CNTNAP2: variants seen among roughly 807,000 people sequenced by gnomAD.
The protein encoded by CNTNAP2 is contactin associated protein 2.
Under a neutral mutation model 155.2 loss-of-function variants are expected in CNTNAP2, and 98 were observed. That is an observed-to-expected ratio of 0.63 (90% CI 0.54 to 0.75). The LOEUF (loss-of-function observed/expected upper bound fraction) is 0.75, where lower values mean the gene tolerates loss of function less well. Among genes scored for constraint, CNTNAP2 ranks in the 30% least tolerant of loss-of-function variants. The pLI is 0.00. For synonymous variants in CNTNAP2, 651 were observed against 631.2 expected (o/e 1.03, Z -0.47); for missense variants, 1,727 against 1,688.1 (o/e 1.02, Z -0.40).
At chr7:146,531,319 G>A (rs187897566) in intron 1 of CNTNAP2, among the ~76,000 whole-genome samples, 93 of 151,940 alleles carry the variant, frequency 6.1e-4, no homozygotes, top group African/African-American at 2.0e-3. Context: ...AAACCCCTGC[G>A]AACAAACAAT....
rs377220434 is a variant in CNTNAP2 at position 148,277,737 on chromosome 7, C to G, written c.3475+10611C>G. Reference sequence around the variant, plus strand: ...CTGGGCCAAAGCTTAGCTCTCGTCTCTCCTGCTGTATCTCCTCCTTTTCTC... The same window carrying G: ...CTGGGCCAAAGCTTAGCTCTCGTCTGTCCTGCTGTATCTCCTCCTTTTCTC... On this transcript the variant is annotated intron_variant, in intron 21 of 23. Coordinates refer to ENST00000361727, the MANE Select transcript of CNTNAP2 (RefSeq NM_014141.6). Among the ~76,000 whole-genome samples, 315 of 151,968 alleles carry G rather than the reference C, an allele frequency of 2.1e-3. 2 individuals are homozygous for G. Among genetic ancestry groups the G allele is most frequent in the African/African-American group, 7.3e-3 (302 of 41,352 alleles).
At chr7:147,904,970 G>T (rs1799934832) in intron 14 of CNTNAP2, among the ~76,000 whole-genome samples, 1 of 151,846 alleles carries the variant, frequency 6.6e-6, no homozygotes, top group African/African-American at 2.4e-5. Context: ...AGTTAAAAGG[G>T]CATGGTCTTT....
intron 3 of CNTNAP2, among the ~76,000 whole-genome samples, chr7:147,011,120 T>C (rs891768678): frequency 2.6e-5 from 4 of 151,650 alleles, no homozygotes; most frequent in African/African-American, 9.7e-5. Context: ...GCCTGTGATA[T>C]AGAACTATCA....
At chr7:148,152,836 CG>C (rs1805323563) in intron 17 of CNTNAP2, among the ~76,000 whole-genome samples, 1 of 151,770 alleles carries the variant, frequency 6.6e-6, no homozygotes, top group Non-Finnish European at 1.5e-5. Context: ...CTGGCTAGCA[CG>C]GTGAAACCCC....
chr7:148,029,377 A>C (rs17170801), intron 15 of CNTNAP2, among the ~76,000 whole-genome samples: 2,526 of 152,280 alleles, frequency 0.017, 24 homozygotes, highest in Non-Finnish European at 0.021. Context: ...CGAGTTTGCT[A>C]ATTGCCCCCA....
At chr7:148,313,448 T>C (rs1252813941) in intron 21 of CNTNAP2, among the ~76,000 whole-genome samples, 1 of 150,048 alleles carries the variant, frequency 6.7e-6, no homozygotes, top group African/African-American at 2.4e-5. Flanking sequence ...AGATGGGACA[T>C]GGCTTAGGAG....
chr7:146,624,281 T>A (rs1219447438), intron 1 of CNTNAP2, among the ~76,000 whole-genome samples: 2 of 152,056 alleles, frequency 1.3e-5, no homozygotes, highest in Admixed American at 6.5e-5. Context: ...CAAGATCAAT[T>A]TTTTATGGAT....
At chr7:147,683,976 C>G (rs1795985275) in intron 13 of CNTNAP2, among the ~76,000 whole-genome samples, 1 of 151,538 alleles carries the variant, frequency 6.6e-6, no homozygotes. Context: ...AATTTCTCTA[C>G]CAATGGAGGA....
chr7:147,225,742 AGAAGGAAGGAAG>A (rs56768185), intron 8 of CNTNAP2, among the ~76,000 whole-genome samples: 20,668 of 103,840 alleles, frequency 0.2, 2,400 homozygotes, highest in African/African-American at 0.24. Flanking sequence ...TAGGAAGGAA[AGAAGGAAGGAAG>A]GAAGGAAGGA....
intron 3 of CNTNAP2, among the ~76,000 whole-genome samples, chr7:146,930,242 G>T (rs556184499): frequency 6.6e-6 from 1 of 152,128 alleles, no homozygotes; most frequent in Non-Finnish European, 1.5e-5. Flanking sequence ...CGGATCTCTC[G>T]GCAGAAACTC....
chr7:148,170,240 A>G (rs949543853), intron 17 of CNTNAP2, among the ~76,000 whole-genome samples: 6 of 152,250 alleles, frequency 3.9e-5, no homozygotes, highest in Non-Finnish European at 1.5e-5. Context: ...ACATTTTAGC[A>G]TATTTTGATA....
chr7:147,862,146 C>T (rs1799146431), intron 13 of CNTNAP2, among the ~76,000 whole-genome samples: 3 of 152,106 alleles, frequency 2.0e-5, no homozygotes, highest in South Asian at 2.1e-4. Context: ...GAAAACCGAC[C>T]ACATCCTTTT....
At position 148,409,634 on chromosome 7, in the gene CNTNAP2, T is replaced by C. The variant is rs536202709; in HGVS notation, c.3796+163T>C. Among the ~76,000 whole-genome samples the C allele has an allele frequency of 2.0e-5, 3 of 151,952 alleles. No individual in the cohort carries two copies. The South Asian group carries it at 6.2e-4, about 32-fold the overall frequency. On this transcript the variant is annotated intron_variant, in intron 23 of 23. Transcript: ENST00000361727. Reference sequence around the variant, plus strand: ...ATGATGTGAAGAAATATAGTAAATATAGCCGGGCACAGTGGCTCACCTCTG... The same window carrying C: ...ATGATGTGAAGAAATATAGTAAATACAGCCGGGCACAGTGGCTCACCTCTG...
intron 3 of CNTNAP2, among the ~76,000 whole-genome samples, chr7:146,899,619 T>C (rs920174585): frequency 6.6e-6 from 1 of 152,186 alleles, no homozygotes; most frequent in Non-Finnish European, 1.5e-5. Flanking sequence ...GAATAGTCAG[T>C]AGTTGAGTTC....
intron 1 of CNTNAP2, among the ~76,000 whole-genome samples, chr7:146,731,606 T>C (rs28420905): frequency 0.076 from 11,491 of 152,066 alleles, 1,432 homozygotes; most frequent in African/African-American, 0.26. Flanking sequence ...ACTCACAATA[T>C]CAGATTGGCA....
At chr7:147,369,944 G>A (rs1796314085) in intron 9 of CNTNAP2, among the ~76,000 whole-genome samples, 1 of 152,182 alleles carries the variant, frequency 6.6e-6, no homozygotes, top group Admixed American at 6.5e-5. Flanking sequence ...TGTCACACGT[G>A]GTCGGTCCTT....
At chr7:146,810,567 G>A (rs1233029618) in intron 2 of CNTNAP2, among the ~76,000 whole-genome samples, 1 of 151,468 alleles carries the variant, frequency 6.6e-6, no homozygotes, top group Non-Finnish European at 1.5e-5. Flanking sequence ...TCTGTATATG[G>A]TATTATGTCC....
intron 8 of CNTNAP2, among the ~76,000 whole-genome samples, chr7:147,214,855 T>G: frequency 6.6e-6 from 1 of 152,076 alleles, no homozygotes; most frequent in Non-Finnish European, 1.5e-5. Flanking sequence ...GAGGTTTAGT[T>G]GACTCACAGT....
At chr7:146,995,547 A>G (rs1029653484) in intron 3 of CNTNAP2, among the ~76,000 whole-genome samples, 14 of 152,042 alleles carry the variant, frequency 9.2e-5, no homozygotes, top group Non-Finnish European at 1.8e-4. Context: ...GTGACATAAT[A>G]TCTCATTTTG....
Sources: allele counts gnomAD v4.1 joint callset (sites outside exome capture counted in the v4.1 genomes callset), GRCh38; gene constraint gnomAD v4.1.1; transcripts MANE v1.5; gene names NCBI Gene and HGNC (gene_info 2026-07-23, HGNC 2026-07-21).